The following FAT2 variants were observed in gnomAD, a reference collection of about 807,000 sequenced individuals.
The protein encoded by FAT2 is protocadherin Fat 2.
Under a neutral mutation model 295.3 loss-of-function variants are expected in FAT2, and 150 were observed. The ratio of observed to expected loss-of-function variants is 0.51; its 90% CI spans 0.44 to 0.58. The LOEUF (loss-of-function observed/expected upper bound fraction) is 0.58. FAT2 is among the 20% of genes least tolerant of loss of function. FAT2 has a pLI of 0.00. For missense variants in FAT2, 4,868 were observed against 5,442.7 expected (o/e 0.89, Z 3.32); for synonymous variants, 2,026 against 2,150.3 (o/e 0.94, Z 1.60).
intron 18 of FAT2, among the ~76,000 whole-genome samples, chr5:151,523,324 T>C (rs11743575): frequency 0.42 from 63,633 of 152,020 alleles, 14,351 homozygotes; most frequent in East Asian, 0.79. Flanking sequence ...ATGCTAGTCA[T>C]TATCATAGAT....
In FAT2 at chr5:151,566,698, C is replaced by G. The variant is rs768998018; in HGVS notation, c.2234G>C (p.Gly745Ala). The G allele has an allele frequency of 6.2e-7, 1 of 1,614,184 alleles. No individual in the cohort carries two copies. Residue 745 changes from glycine to alanine, a missense_variant, in exon 2 of 24, where the codon GGT becomes GCT. Gly to Ala is a moderately conservative substitution (Grantham distance 60). Transcript: ENST00000261800. ...ARLAATDPDAGFNGKLVYVIA... is the reference protein window; with the variant it reads ...ARLAATDPDAAFNGKLVYVIA... ...CACATAGACCAGTTTGCCATTAAAA[C>G]CAGCATCAGGGTCAGTGGCTGCTAG...
In FAT2 at chr5:151,505,747, G is replaced by C; in HGVS notation, c.12868C>G (p.Leu4290Val). 1 of 1,613,844 alleles carries C rather than the reference G, an allele frequency of 6.2e-7. No homozygotes were observed. Among genetic ancestry groups the C allele is most frequent in the Non-Finnish European group, 8.5e-7 (1 of 1,179,798 alleles). ...QFRQGGGGPCLADGGYKGVGM... is the reference protein window; with the variant it reads ...QFRQGGGGPCVADGGYKGVGM... ...ACCCCCTTGTAGCCCCCGTCTGCCA[G>C]GCAGGGCCCTCCCCCTCCCTGCCGG... Residue 4290 changes from leucine (L) to valine (V), a missense_variant, in exon 24 of 24, where the codon CTG becomes GTG. Transcript: ENST00000261800.
Position 151,545,927 on chromosome 5 carries a change from T to C in FAT2, c.5200A>G (p.Asn1734Asp), listed in dbSNP as rs1416052251. Residue 1734 changes from asparagine (N) to aspartate (D), a missense_variant, in exon 10 of 24, where the codon AAT becomes GAT. This residue lies in a region of FAT2 where 3,297 missense variants were observed against 3,669.4 expected (regional missense o/e 0.90). Transcript: ENST00000261800. ...ACATCAGTAAATGCACCTGCCATAT[T>C]GCTGCCTCGGATTTTCAGCTGGTAA... is the stretch of plus-strand genomic sequence containing the variant. ...SSYQLKIRGS[N>D]MAGAFTDVMV... is the part of the protein sequence containing the mutation. 1 of 1,614,208 alleles carries C rather than the reference T, an allele frequency of 6.2e-7. No individual in the cohort carries two copies. Among genetic ancestry groups the C allele is most frequent in the Admixed American group, 1.7e-5 (1 of 60,026 alleles).
chr5:151,544,069 T>C lies in FAT2; in HGVS notation c.7058A>G (p.Asp2353Gly), dbSNP rs1324379831. 1 of 1,614,096 alleles carries C rather than the reference T, an allele frequency of 6.2e-7. No individual in the cohort carries two copies. The highest frequency in any genetic ancestry group is 1.3e-5 in the African/African-American group (1 of 74,942). Reference protein sequence around the residue: ...QHFHVKVRAMDKGDPPLTGET... With the variant: ...QHFHVKVRAMGKGDPPLTGET... ...ACCAGTGAGTGGGGGATCTCCTTTATCCATGGCCCTGACTTTCACATGAAA... is the reference window on the plus strand; with the variant it reads ...ACCAGTGAGTGGGGGATCTCCTTTACCCATGGCCCTGACTTTCACATGAAA... The change falls in exon 10 of 24, where the codon GAT (aspartate) becomes GGT (glycine). Residue 2353 changes from aspartate to glycine, a missense_variant. This residue lies in a region of FAT2 where 3,297 missense variants were observed against 3,669.4 expected (regional missense o/e 0.90). Coordinates refer to ENST00000261800, the MANE Select transcript of FAT2 (RefSeq NM_001447.3).
chr5:151,505,467 C>T lies in FAT2; in HGVS notation c.*98G>A, dbSNP rs529202886. 6.9e-7 allele frequency: 1 copy of T among 1,450,622 alleles called. No homozygotes were observed. Among genetic ancestry groups the T allele is most frequent in the African/African-American group, 1.4e-5 (1 of 69,798 alleles). The allele number at this position is 1,450,622 out of a possible 1,614,324, so 89.9% of individuals were successfully genotyped here. ...GCCTGGGCTGAGGGCTTCCCTCCCA[C>T]TCTCCCAGCCACACTCAACTCACCC... is the stretch of plus-strand genomic sequence containing the variant. On this transcript the variant is annotated 3_prime_UTR_variant, in exon 24 of 24. Coordinates refer to ENST00000261800, the MANE Select transcript of FAT2 (RefSeq NM_001447.3).
At chr5:151,579,515 T>C (rs1758864225) in intron 1 of FAT2, among the ~76,000 whole-genome samples, 1 of 152,132 alleles carries the variant, frequency 6.6e-6, no homozygotes, top group Admixed American at 6.5e-5. Flanking sequence ...GAGGCTGCAG[T>C]GAACAATGAT....
rs184573116 is a variant in FAT2 at position 151,540,047 on chromosome 5, A to G, written c.9039+520T>C. Among the ~76,000 whole-genome samples the G allele has an allele frequency of 1.5e-4, 23 of 152,384 alleles. No homozygotes were observed. In the East Asian group the frequency reaches 2.9e-3, roughly 19 times the overall value. ...TTGGTGTATTTGATAATAGTGAGCC[A>G]TGTCAACAAGTTGAGCAGTGCCAGG... On this transcript the variant is annotated intron_variant, in intron 11 of 23. Transcript: ENST00000261800.
In FAT2 at chr5:151,534,459, G is replaced by T. The variant is rs770248720; in HGVS notation, c.9377C>A (p.Thr3126Asn). 1.2e-6 allele frequency: 2 copies of T among 1,613,894 alleles called. No homozygotes were observed. The highest frequency in any genetic ancestry group is 1.3e-5 in the African/African-American group (1 of 74,998). The change falls in exon 13 of 24, where the codon ACC (threonine) becomes AAC (asparagine). Residue 3126 changes from threonine (T) to asparagine (N), a missense_variant. Around this residue, in one of 5 missense-constraint regions of FAT2, gnomAD observed 1,046 missense variants for 1,210.1 expected, o/e 0.86. Transcript: ENST00000261800. ...TACAGCCACAGGGGTCTTCACTGTG[G>T]TGTTGTCGAAGACAGCCACAGCACA... Reference protein sequence around the residue: ...SHCAVAVFDNTTVKTPVAVVF... With the variant: ...SHCAVAVFDNNTVKTPVAVVF...
rs2127645799 is a variant in FAT2 at position 151,566,327 on chromosome 5, G to A, written c.2605C>T (p.His869Tyr). The part of the protein sequence containing the change: ...LLSPTEKFSL[H>Y]PLTGELVVTG... The stretch of plus-strand genomic sequence containing the variant: ...ACAACCAGTTCCCCAGTGAGAGGGT[G>A]GAGGGAGAACTTCTCTGTGGGACTT... Residue 869 changes from histidine to tyrosine, a missense_variant, in exon 2 of 24, where the codon CAC becomes TAC. His to Tyr is a moderately conservative substitution (Grantham distance 83). This residue lies in a region of FAT2 where 3,297 missense variants were observed against 3,669.4 expected (regional missense o/e 0.90). Coordinates refer to ENST00000261800, the MANE Select transcript of FAT2 (RefSeq NM_001447.3). The A allele has an allele frequency of 6.2e-7, 1 of 1,614,132 alleles. No homozygotes were observed. The highest frequency in any genetic ancestry group is 8.5e-7 in the Non-Finnish European group (1 of 1,180,004).
intron 9 of FAT2, among the ~76,000 whole-genome samples, chr5:151,547,018 C>A (rs1386568951): frequency 1.3e-5 from 2 of 152,130 alleles, no homozygotes; most frequent in African/African-American, 4.8e-5. Context: ...TTTTCAATAT[C>A]CATCCATTGC....
intron 14 of FAT2, 36 bp from the exon 15 acceptor site, chr5:151,529,428 G>A (rs757640339): frequency 6.3e-7 from 1 of 1,594,138 alleles, no homozygotes; most frequent in Non-Finnish European, 8.6e-7. Flanking sequence ...CAATGAGGCA[G>A]TTGGGCCCTC....
At position 151,521,913 on chromosome 5, in the gene FAT2, G is replaced by A; in HGVS notation, c.10680C>T (p.Pro3560=). 1 of 1,613,890 alleles carries A rather than the reference G, an allele frequency of 6.2e-7. No individual in the cohort carries two copies. Among genetic ancestry groups the A allele is most frequent in the Non-Finnish European group, 8.5e-7 (1 of 1,179,810 alleles). Residue 3560 remains proline, a synonymous_variant, in exon 19 of 24, where the codon CCC becomes CCT. Transcript: ENST00000261800. ...CCAGGCTATAGGTCAGCGTGTCCTGGGGGTCTCGGTCTGTGGCATGGATCT... is the reference window on the plus strand; with the variant it reads ...CCAGGCTATAGGTCAGCGTGTCCTGAGGGTCTCGGTCTGTGGCATGGATCT... The part of the protein sequence containing the change: ...VGKIHATDRD[P]QDTLTYSLAE...
chr5:151,565,886 C>G lies in FAT2; in HGVS notation c.3046G>C (p.Val1016Leu), dbSNP rs1758233889. Residue 1016 changes from valine (V) to leucine (L), a missense_variant, in exon 2 of 24, where the codon GTG becomes CTG. This residue lies in a region of FAT2 where 3,297 missense variants were observed against 3,669.4 expected (regional missense o/e 0.90). Coordinates refer to ENST00000261800, the MANE Select transcript of FAT2 (RefSeq NM_001447.3). Reference sequence around the variant, plus strand: ...TTCACATCCAGGACGATCACCTCCACATGGCAGAGAGTCCTGCGGGCTAGG... The same window carrying G: ...TTCACATCCAGGACGATCACCTCCAGATGGCAGAGAGTCCTGCGGGCTAGG... ...RPLARRTLCH[V>L]EVIVLDVNEN... The G allele has an allele frequency of 6.2e-7, 1 of 1,613,938 alleles. No homozygotes were observed. The highest frequency in any genetic ancestry group is 1.3e-5 in the African/African-American group (1 of 74,928).
intron 13 of FAT2, among the ~76,000 whole-genome samples, chr5:151,532,783 G>C (rs1228680832): frequency 6.6e-6 from 1 of 152,212 alleles, no homozygotes; most frequent in Non-Finnish European, 1.5e-5. Flanking sequence ...AGGCTCGGCT[G>C]TGAGGTCCTC....
In FAT2 at chr5:151,568,045, G is replaced by A; in HGVS notation, c.887C>T (p.Pro296Leu). 1.9e-6 allele frequency: 3 copies of A among 1,614,144 alleles called. No individual in the cohort carries two copies. Among genetic ancestry groups the A allele is most frequent in the Non-Finnish European group, 1.7e-6 (2 of 1,180,028 alleles). The change falls in exon 2 of 24, where the codon CCT becomes CTT. Residue 296 changes from proline (P) to leucine (L), a missense_variant. By Grantham distance (98) the Pro-to-Leu change is moderately conservative. Transcript: ENST00000261800. ...VESVEVVGGD[P>L]GKHFKAIKSY... ...CTTGATGGCTTTGAAGTGCTTTCCA[G>A]GGTCACCACCAACAACTTCCACTGA...
intron 21 of FAT2, chr5:151,511,214 A>G (rs1761295686): frequency 6.6e-6 from 1 of 152,242 alleles, no homozygotes; most frequent in Admixed American, 6.5e-5. Context: ...TAGAAATGAC[A>G]TGATTAGCCA....
In FAT2 at chr5:151,551,540, A is replaced by G; in HGVS notation, c.4223T>C (p.Leu1408Pro). 1 of 1,614,234 alleles carries G rather than the reference A, an allele frequency of 6.2e-7. No individual in the cohort carries two copies. ...ATAGTTCGACCTTCTCCTGGTATCA[A>G]GAGGCCTGGCAATGACGATGCTGCC... The part of the protein sequence containing the change: ...TTGSIVIARP[L>P]DTRRRSNYNL... The change falls in exon 7 of 24, where the codon CTT (leucine) becomes CCT (proline). Residue 1408 changes from leucine to proline, a missense_variant. Physicochemically the swap from Leu to Pro is moderately conservative, Grantham distance 98. Around this residue, in one of 5 missense-constraint regions of FAT2, gnomAD observed 3,297 missense variants for 3,669.4 expected, o/e 0.90. Transcript: ENST00000261800.
At chr5:151,562,889 C>T (rs528940647) in intron 3 of FAT2, among the ~76,000 whole-genome samples, 2 of 152,132 alleles carry the variant, frequency 1.3e-5, no homozygotes, top group African/African-American at 2.4e-5. Context: ...GCACTCTGGG[C>T]GGGGTTGAGA....
In FAT2 at chr5:151,505,242, G is replaced by T. The variant is rs1760747256; in HGVS notation, c.*323C>A. 1.4e-5 allele frequency: 6 copies of T among 436,372 alleles called. 1 individual carries two copies. In the South Asian group the frequency reaches 1.6e-4, roughly 12 times the overall value. The allele number at this position is 436,372 out of a possible 1,614,324, so 27.0% of individuals were successfully genotyped here. The stretch of plus-strand genomic sequence containing the variant: ...ACAGTCAATCAGGCTCTGCCCCGGG[G>T]ACTGAGAGCCGGCAGATCAGGGAGC... On this transcript the variant is annotated 3_prime_UTR_variant, in exon 24 of 24. Transcript: ENST00000261800.
Sources: gnomAD v4.1 joint callset for allele counts (sites outside exome capture counted in the v4.1 genomes callset) on GRCh38, gnomAD v4.1.1 for gene constraint, gnomAD v4.1.1 regional missense constraint, MANE v1.5 for transcripts, NCBI Gene and HGNC (gene_info 2026-07-23, HGNC 2026-07-21) for gene names.